DNAH2: variants seen among roughly 807,000 people sequenced by gnomAD.
DNAH2 encodes axonemal beta dynein heavy chain 2.
DNAH2 carries 323 observed loss-of-function variants against 523.5 expected under a neutral mutation model. The observed-to-expected ratio is 0.62, with a 90% CI of 0.56 to 0.68. The LOEUF (loss-of-function observed/expected upper bound fraction) is 0.68, where lower values mean the gene tolerates loss of function less well. Among genes scored for constraint, DNAH2 ranks in the 30% least tolerant of loss-of-function variants. The pLI is 0.00. For missense variants in DNAH2, 4,907 were observed against 5,701.5 expected (o/e 0.86, Z 4.49); for synonymous variants, 2,093 against 2,177.4 (o/e 0.96, Z 1.08).
At chr17:7,788,063 A>G (rs1406086244) in intron 43 of DNAH2, 23 bp from the exon 44 acceptor site, 4 of 1,613,822 alleles carry the variant, frequency 2.5e-6, no homozygotes, top group East Asian at 4.5e-5. Flanking sequence ...GTGAATGAAG[A>G]GCCCCTTCTT....
At chr17:7,771,759 C>T (rs1377856391) in intron 28 of DNAH2, among the ~76,000 whole-genome samples, 2 of 152,028 alleles carry the variant, frequency 1.3e-5, no homozygotes, top group Admixed American at 1.3e-4. Context: ...GCACATTGCC[C>T]AGGCTGGAGT....
At position 7,821,079 on chromosome 17, in the gene DNAH2, T is replaced by C. The variant is rs1013367041; in HGVS notation, c.11016-164T>C. ...ATAATAAGTGGACTCTGGGAAATTC[T>C]TGTGTCTAGGCCCCTGAGTCCTCAG... On this transcript the variant is annotated intron_variant, in intron 72 of 85. Transcript: ENST00000572933. This position sits in a 1 kb window ranked among gnomAD's most constrained non-coding sequence, Gnocchi z 5.0. Among the ~76,000 whole-genome samples, 2 of 152,130 alleles carry C rather than the reference T, an allele frequency of 1.3e-5. No homozygotes were observed. Among genetic ancestry groups the C allele is most frequent in the Non-Finnish European group, 2.9e-5 (2 of 68,030 alleles).
chr17:7,772,463 AG>A (rs757842023), intron 28 of DNAH2, among the ~76,000 whole-genome samples: 6 of 152,224 alleles, frequency 3.9e-5, no homozygotes, highest in Non-Finnish European at 8.8e-5. Context: ...TTGAATGCAC[AG>A]AACAAATCCA....
At chr17:7,777,750 C>T (rs759591752) in intron 33 of DNAH2, 116 bp downstream of exon 33, 36 of 1,297,770 alleles carry the variant, frequency 2.8e-5, no homozygotes, top group Non-Finnish European at 3.6e-5. Flanking sequence ...TCCTGTCCCA[C>T]TACCCTAATC....
intron 3 of DNAH2, among the ~76,000 whole-genome samples, chr17:7,725,442 T>TATATATATATATATATATATATATA (rs1567600861): frequency 3.6e-5 from 2 of 55,164 alleles, no homozygotes; most frequent in African/African-American, 1.1e-4. Flanking sequence ...ATATATATAT[T>TATATATATATATATATATATATATA]TTCTTTTTGA....
rs115945656 is a variant in DNAH2 at position 7,807,439 on chromosome 17, C to A, written c.9613-31C>A. On this transcript the variant is annotated intron_variant, in intron 62 of 85. Coordinates refer to ENST00000572933, the MANE Select transcript of DNAH2 (RefSeq NM_020877.5). The surrounding 1 kb of genome is among the most constrained non-coding windows in gnomAD (Gnocchi z 5.6). ...GTGAGGGGGTTGGTGGGTTGGTGGG[C>A]GACTCCCACAGCCTGACTGTCTCCC... The A allele has an allele frequency of 2.5e-3, 4,041 of 1,609,722 alleles. 79 individuals are homozygous for A. In the African/African-American group the frequency reaches 0.046, roughly 18 times the overall value.
chr17:7,720,272 T>C (rs1029506718), intron 2 of DNAH2, among the ~76,000 whole-genome samples: 1 of 152,182 alleles, frequency 6.6e-6, no homozygotes, highest in Admixed American at 6.5e-5. Flanking sequence ...AAACAAATAA[T>C]GTTTTTCTCC....
Position 7,757,111 on chromosome 17 carries a change from C to T in DNAH2, c.1925C>T (p.Ala642Val), listed in dbSNP as rs769982115. The change falls in exon 13 of 86, where the codon GCG becomes GTG. Residue 642 changes from alanine to valine, a missense_variant. Coordinates refer to ENST00000572933, the MANE Select transcript of DNAH2 (RefSeq NM_020877.5). ...NFDKSLLILFAEIDYWERLLF... is the reference protein window; with the variant it reads ...NFDKSLLILFVEIDYWERLLF... ...CAAAGGTCCCTTCTGATTCTCTTTGCGGAAATTGACTACTGGGAGCGGCTG... is the reference window on the plus strand; with the variant it reads ...CAAAGGTCCCTTCTGATTCTCTTTGTGGAAATTGACTACTGGGAGCGGCTG... 33 of 1,614,096 alleles carry T rather than the reference C, an allele frequency of 2.0e-5. No homozygotes were observed. In the East Asian group the frequency reaches 3.1e-4, roughly 15 times the overall value.
rs765389998 is a variant in DNAH2, at chr17:7,780,116, G to T, written c.5723-41G>T. The stretch of plus-strand genomic sequence containing the variant: ...TGGGTTTGGGGAAGCAAATCAAGAT[G>T]AGGAAATATATGATTCTAAGCAAGT... On this transcript the variant is annotated intron_variant, in intron 36 of 85. Transcript: ENST00000572933. The surrounding 1 kb of genome is among the most constrained non-coding windows in gnomAD (Gnocchi z 4.4). The T allele has an allele frequency of 1.3e-6, 2 of 1,581,224 alleles. No individual in the cohort carries two copies. The highest frequency in any genetic ancestry group is 2.7e-5 in the African/African-American group (2 of 73,208).
In DNAH2 at chr17:7,760,287, G is replaced by A. The variant is rs757951131; in HGVS notation, c.2785+349G>A. 7.9e-5 allele frequency among the ~76,000 whole-genome samples: 12 copies of A among 152,108 alleles called. No homozygotes were observed. The highest frequency in any genetic ancestry group is 2.2e-4 in the African/African-American group (9 of 41,412). On this transcript the variant is annotated intron_variant, in intron 17 of 85. Coordinates refer to ENST00000572933, the MANE Select transcript of DNAH2 (RefSeq NM_020877.5). The surrounding 1 kb of genome is among the most constrained non-coding windows in gnomAD (Gnocchi z 4.0). Reference sequence around the variant, plus strand: ...GGAGGCTGAGGCAAAGAATCACCCCGGAGGCGGAGGTTGCAGTGAGCGGAG... The same window carrying A: ...GGAGGCTGAGGCAAAGAATCACCCCAGAGGCGGAGGTTGCAGTGAGCGGAG...
In DNAH2 at chr17:7,725,885, T is replaced by C. The variant is rs557123569; in HGVS notation, c.229-1237T>C. 2.6e-5 allele frequency among the ~76,000 whole-genome samples: 4 copies of C among 151,490 alleles called. No individual in the cohort carries two copies. In the East Asian group the frequency reaches 5.8e-4, roughly 22 times the overall value. ...TATTATAGGAAAGATTTTAGATCAC[T>C]ATTAATTTTTCTTGACCTGGAAACT... On this transcript the variant is annotated intron_variant, in intron 3 of 85. Transcript: ENST00000572933.
intron 12 of DNAH2, 146 bp from the exon 13 acceptor site, chr17:7,756,945 A>T: frequency 8.2e-7 from 1 of 1,215,556 alleles, no homozygotes; most frequent in Non-Finnish European, 1.2e-6. Context: ...TGCTGGGATT[A>T]CAGGCGTGAG....
rs995802478 is a variant in DNAH2 at position 7,737,265 on chromosome 17, A to G, written c.1170+7A>G. The G allele has an allele frequency of 1.9e-6, 3 of 1,612,102 alleles. No homozygotes were observed. Among genetic ancestry groups the G allele is most frequent in the Non-Finnish European group, 8.5e-7 (1 of 1,178,540 alleles). On this transcript the variant is annotated splice_region_variant and intron_variant, in intron 8 of 85. Coordinates refer to ENST00000572933, the MANE Select transcript of DNAH2 (RefSeq NM_020877.5). Reference sequence around the variant, plus strand: ...GACCTCGCTCTTCCGAAAGGTGTGCATATGCTGAGGGTGGGATGGAGGGGT... The same window carrying G: ...GACCTCGCTCTTCCGAAAGGTGTGCGTATGCTGAGGGTGGGATGGAGGGGT...
intron 3 of DNAH2, among the ~76,000 whole-genome samples, chr17:7,725,314 T>C (rs1241826392): frequency 6.6e-6 from 1 of 151,060 alleles, no homozygotes; most frequent in African/African-American, 2.4e-5. Context: ...GGTCTTGAAC[T>C]CCTGACCTCT....
chr17:7,736,448 C>T (rs903759028), intron 7 of DNAH2, among the ~76,000 whole-genome samples: 3 of 152,162 alleles, frequency 2.0e-5, no homozygotes, highest in Non-Finnish European at 4.4e-5. Flanking sequence ...ACAGAGTATC[C>T]ACTTAGTGCG....
chr17:7,791,884 G>A, intron 44 of DNAH2, 33 bp from the exon 45 acceptor site: 1 of 1,603,138 alleles, frequency 6.2e-7, no homozygotes, highest in East Asian at 2.2e-5. Flanking sequence ...TCTCTTACAG[G>A]TGGGTTATTT....
chr17:7,719,497 G>T (rs1475543623), intron 1 of DNAH2, among the ~76,000 whole-genome samples: 1 of 152,144 alleles, frequency 6.6e-6, no homozygotes, highest in Non-Finnish European at 1.5e-5. Flanking sequence ...TTAGCCCAGT[G>T]CCCCGAAGAC....
At chr17:7,759,962 C>A in intron 17 of DNAH2, 24 bp downstream of exon 17, 1 of 1,614,108 alleles carries the variant, frequency 6.2e-7, no homozygotes, top group South Asian at 1.1e-5. Flanking sequence ...GGGGAGGGCA[C>A]AAGGCACAGG....
intron 3 of DNAH2, 143 bp downstream of exon 3, chr17:7,723,832 A>G (rs1451507990): frequency 3.9e-6 from 3 of 768,784 alleles, no homozygotes; most frequent in Non-Finnish European, 4.4e-6. Context: ...CTCACCACAA[A>G]TCCAGTTCAC....
Sources: allele counts gnomAD v4.1 joint callset (sites outside exome capture counted in the v4.1 genomes callset), GRCh38; gene constraint gnomAD v4.1.1; non-coding constraint Gnocchi (gnomAD v3.1); transcripts MANE v1.5; gene names NCBI Gene and HGNC (gene_info 2026-07-23, HGNC 2026-07-21).